Variants in CALU observed in about 807,000 individuals in gnomAD.
CALU encodes the protein IEF SSP 9302.
CALU carries 13 observed loss-of-function variants against 37.5 expected under a neutral mutation model. The ratio of observed to expected loss-of-function variants is 0.35; its 90% confidence interval spans 0.23 to 0.55. The LOEUF is 0.55. CALU is among the 20% of genes least tolerant of loss of function. The pLI, the probability that CALU is intolerant of heterozygous loss-of-function variation, is 0.89. For synonymous variants in CALU, 114 were observed against 133.8 expected, an observed-to-expected ratio of 0.85 and a Z score of 1.02; for missense variants, 282 against 391.7, an observed-to-expected ratio of 0.72 and a Z score of 2.36.
chr7:128,747,415 G>A (rs1024832045), intron 1 of CALU: 3 of 152,122 alleles, frequency 2.0e-5, no homozygotes, highest in Non-Finnish European at 4.4e-5. Context: ...TTGAGACTGG[G>A]GCACTTGGGA....
intron 3 of CALU, 173 bp downstream of exon 3, chr7:128,754,628 C>T (rs1237476395): frequency 6.4e-7 from 1 of 1,551,828 alleles, no homozygotes; most frequent in Non-Finnish European, 8.7e-7. Flanking sequence ...ACATATATGA[C>T]AATGTTGAAA....
rs187496860 is a variant in CALU, at chr7:128,771,470, A to G, written c.*2303A>G. The stretch of plus-strand genomic sequence containing the variant: ...TCTGTTTCTAAATAAAACTGTTTAC[A>G]TTCATTATGGGGTATGTATGACCTT... On this transcript the variant is annotated 3_prime_UTR_variant, in exon 7 of 7. Transcript: ENST00000249364. 6.5e-6 allele frequency: 1 copy of G among 152,800 alleles called. No individual in the cohort carries two copies. Among genetic ancestry groups the G allele is most frequent in the East Asian group, 1.9e-4 (1 of 5,192 alleles). 9.5% of individuals were successfully genotyped at this position (152,800 alleles called of 1,614,324 possible).
chr7:128,772,592 G>T lies in CALU; in HGVS notation c.*3425G>T, dbSNP rs1351782596. On this transcript the variant is annotated 3_prime_UTR_variant, in exon 7 of 7. Transcript: ENST00000249364. The stretch of plus-strand genomic sequence containing the variant: ...GACAGTAGAAACTTCTGTTTTCTGG[G>T]AGCTGCATGTGTCGGATTCATCTGT... 22 of 1,614,086 alleles carry T rather than the reference G, an allele frequency of 1.4e-5. 1 individual carries two copies. In the Admixed American group the frequency reaches 3.7e-4, roughly 27 times the overall value.
Position 128,754,727 on chromosome 7 carries a change from G to A in CALU, c.415+272G>A, listed in dbSNP as rs1800806486. 2 of 1,540,792 alleles carry A rather than the reference G, an allele frequency of 1.3e-6. 1 individual carries two copies. Among genetic ancestry groups the A allele is most frequent in the South Asian group, 2.4e-5 (2 of 82,510 alleles). On this transcript the variant is annotated intron_variant, in intron 3 of 6. Transcript: ENST00000249364. ...TGACTTATGGCACTTACCTGGGTAA[G>A]GGGCAAGATGTCAGCCTGGCAGGGA...
chr7:128,759,675 A>G (rs1801025156), intron 4 of CALU, 117 bp from the exon 5 acceptor site: 2 of 660,294 alleles, frequency 3.0e-6, no homozygotes, highest in Admixed American at 2.3e-5. Flanking sequence ...ACATACATAC[A>G]TACATGTACA....
chr7:128,750,528 T>G (rs1328066733), intron 2 of CALU, among the ~76,000 whole-genome samples: 2 of 152,206 alleles, frequency 1.3e-5, no homozygotes, highest in East Asian at 3.8e-4. Flanking sequence ...TGTATTTGAT[T>G]AGAATAAGAT....
At chr7:128,740,085 G>T (rs6967300) in intron 1 of CALU, among the ~76,000 whole-genome samples, 32,203 of 152,094 alleles carry the variant, frequency 0.21, 3,664 homozygotes, top group Non-Finnish European at 0.25. Context: ...ATTAATTTTT[G>T]TTACGTTTTT....
At chr7:128,755,107 C>T (rs1319119898) in intron 3 of CALU, among the ~76,000 whole-genome samples, 1 of 149,172 alleles carries the variant, frequency 6.7e-6, no homozygotes, top group Non-Finnish European at 1.5e-5. Flanking sequence ...GAGTTTGAGA[C>T]CAATCTGGGC....
At chr7:128,768,108 A>G (rs1173926817) in intron 6 of CALU, among the ~76,000 whole-genome samples, 2 of 152,140 alleles carry the variant, frequency 1.3e-5, no homozygotes, top group African/African-American at 4.8e-5. Flanking sequence ...AGCCTGTTCA[A>G]ATTGTCCTTG....
chr7:128,764,397 G>T (rs1346576920), intron 5 of CALU, among the ~76,000 whole-genome samples: 9 of 149,606 alleles, frequency 6.0e-5, no homozygotes, highest in Admixed American at 6.0e-4. Context: ...CTGCACTCCA[G>T]CCTGGGCAAC....
At position 128,756,952 on chromosome 7, in the gene CALU, G is replaced by A. The variant is rs558202214; in HGVS notation, c.416-1919G>A. ...AAATTAGCCAGGAGTGGTAATACTTGTCAGTAGTCCTAGCTACTTGGGAGG... is the reference window on the plus strand; with the variant it reads ...AAATTAGCCAGGAGTGGTAATACTTATCAGTAGTCCTAGCTACTTGGGAGG... On this transcript the variant is annotated intron_variant, in intron 3 of 6. Transcript: ENST00000249364. Among the ~76,000 whole-genome samples the A allele has an allele frequency of 6.6e-5, 10 of 152,182 alleles. No individual in the cohort carries two copies. The South Asian group carries it at 1.7e-3, about 25-fold the overall frequency.
chr7:128,763,301 T>G (rs1296664460), intron 5 of CALU, among the ~76,000 whole-genome samples: 1 of 151,936 alleles, frequency 6.6e-6, no homozygotes, highest in Non-Finnish European at 1.5e-5. Context: ...GAGGCTGAGG[T>G]GGGCGGATCA....
intron 5 of CALU, among the ~76,000 whole-genome samples, chr7:128,763,855 C>T (rs1285340225): frequency 3.3e-5 from 5 of 152,222 alleles, no homozygotes; most frequent in Non-Finnish European, 4.4e-5. Flanking sequence ...CAGAGGAGTA[C>T]TTCTACCCTT....
At chr7:128,766,535 T>A (rs1420081103) in intron 5 of CALU, among the ~76,000 whole-genome samples, 1 of 151,486 alleles carries the variant, frequency 6.6e-6, no homozygotes, top group Non-Finnish European at 1.5e-5. Flanking sequence ...TTCAAGTGAT[T>A]CTTTTGCCTC....
intron 3 of CALU, among the ~76,000 whole-genome samples, chr7:128,758,228 G>GA (rs1044955707): frequency 2.6e-5 from 4 of 151,526 alleles, no homozygotes; most frequent in South Asian, 4.2e-4. Flanking sequence ...TGCGTTGACT[G>GA]AAAAAAAACA....
chr7:128,742,982 A>G (rs1464773503), intron 1 of CALU, among the ~76,000 whole-genome samples: 2 of 152,232 alleles, frequency 1.3e-5, no homozygotes, highest in Non-Finnish European at 2.9e-5. Flanking sequence ...TTCAGGTGAA[A>G]ATCTAAAACA....
chr7:128,749,708 T>G (rs886200972), intron 2 of CALU, among the ~76,000 whole-genome samples: 1 of 152,204 alleles, frequency 6.6e-6, no homozygotes, highest in Middle Eastern at 3.2e-3. Flanking sequence ...ATAGATGTAT[T>G]TTTTCATTGG....
intron 2 of CALU, among the ~76,000 whole-genome samples, chr7:128,752,953 G>A (rs1848119350): frequency 6.6e-6 from 1 of 152,202 alleles, no homozygotes; most frequent in African/African-American, 2.4e-5. Flanking sequence ...GCCTCCCAAA[G>A]TGCTGAGATT....
intron 2 of CALU, among the ~76,000 whole-genome samples, chr7:128,752,337 G>A (rs1207018956): frequency 6.6e-6 from 1 of 152,100 alleles, no homozygotes; most frequent in East Asian, 1.9e-4. Context: ...TGAATAGAAT[G>A]CTCTTCAGTC....
Sources: gnomAD v4.1 joint callset for allele counts (sites outside exome capture counted in the v4.1 genomes callset) on GRCh38, gnomAD v4.1.1 for gene constraint, MANE v1.5 for transcripts, NCBI Gene and HGNC (gene_info 2026-07-23, HGNC 2026-07-21) for gene names.